The following FMN1 variants were observed in gnomAD, a reference collection of about 807,000 sequenced individuals.
The protein encoded by FMN1 is formin-1.
FMN1 carries 110 observed loss-of-function variants against 132.4 expected under a neutral mutation model. That is an observed-to-expected ratio of 0.83 (90% CI 0.71 to 0.97). FMN1 has a LOEUF of 0.97. FMN1 is among the 50% of genes least tolerant of loss of function. FMN1 has a pLI of 0.00. For synonymous variants in FMN1, 722 were observed against 651.7 expected (o/e 1.11, Z -1.64); for missense variants, 1,792 against 1,705.3 (o/e 1.05, Z -0.90).
chr15:32,866,236 AGAAAAAAG>A (rs1567294644), intron 16 of FMN1, among the ~76,000 whole-genome samples: 2 of 141,956 alleles, frequency 1.4e-5, no homozygotes, highest in Non-Finnish European at 3.0e-5. Flanking sequence ...ATAAAAAAAA[AGAAAAAAG>A]AAAAAAAATT....
Position 32,774,403 on chromosome 15 carries a change from A to G in FMN1, c.4216-49T>C, listed in dbSNP as rs988921717. The stretch of plus-strand genomic sequence containing the variant: ...GTATCATTTTCTTTCATCTTTCTCA[A>G]GTTTTGATACATTTCTCAAATTTTG... On this transcript the variant is annotated intron_variant, in intron 20 of 20. Coordinates refer to ENST00000616417, the MANE Select transcript of FMN1 (RefSeq NM_001277313.2). The G allele has an allele frequency of 4.0e-6, 6 of 1,482,312 alleles. No homozygotes were observed. The African/African-American group carries it at 7.0e-5, about 17-fold the overall frequency. 91.8% of individuals were successfully genotyped at this position (1,482,312 alleles called of 1,614,324 possible).
At chr15:33,085,206 C>A (rs745376200) in intron 5 of FMN1, among the ~76,000 whole-genome samples, 12 of 152,052 alleles carry the variant, frequency 7.9e-5, no homozygotes, top group Non-Finnish European at 1.5e-4. Flanking sequence ...CACCCATCAC[C>A]CAAGCAGTAT....
intron 8 of FMN1, among the ~76,000 whole-genome samples, 179 bp from the exon 9 acceptor site, chr15:32,964,436 T>C (rs1421513224): frequency 2.0e-5 from 3 of 152,200 alleles, no homozygotes; most frequent in Non-Finnish European, 2.9e-5. Flanking sequence ...AAATATACTA[T>C]AGAACATTAA....
At chr15:32,911,220 T>C (rs1173065069) in intron 10 of FMN1, among the ~76,000 whole-genome samples, 1 of 152,214 alleles carries the variant, frequency 6.6e-6, no homozygotes, top group Non-Finnish European at 1.5e-5. Flanking sequence ...TACCTTCCCA[T>C]AGATACTGGG....
intron 6 of FMN1, among the ~76,000 whole-genome samples, chr15:33,017,412 G>A (rs1250974033): frequency 1.0e-5 from 1 of 99,872 alleles, no homozygotes; most frequent in Non-Finnish European, 2.3e-5. Context: ...CGCAGTAGAC[G>A]GTGAGAGGGA....
intron 9 of FMN1, among the ~76,000 whole-genome samples, chr15:32,933,393 A>AT (rs1373444022): frequency 3.3e-5 from 5 of 152,308 alleles, no homozygotes; most frequent in African/African-American, 1.2e-4. Context: ...TTCTGACATA[A>AT]CGTGTGACTT....
At chr15:32,962,105 T>TTTA (rs10645453) in intron 9 of FMN1, among the ~76,000 whole-genome samples, 18,679 of 150,794 alleles carry the variant, frequency 0.12, 1,654 homozygotes, top group African/African-American at 0.25. Context: ...AGGGCAAGGA[T>TTTA]TTATTATTAT....
Position 33,129,787 on chromosome 15 carries a change from ATTTT to A in FMN1, c.1867+23257_1867+23260del, listed in dbSNP as rs61564380. Among the ~76,000 whole-genome samples the A allele has an allele frequency of 6.4e-3, 785 of 121,720 alleles. 1 individual carries two copies. The highest frequency in any genetic ancestry group is 0.036 in the Middle Eastern group (8 of 220). 79.9% of individuals were successfully genotyped at this position (121,720 alleles called of 152,430 possible). ...CTGACCAGAAAAGAGTTGACTAGCA[ATTTT>A]TTTTTTTTTTTTTTTTTTTGAGACA... On this transcript the variant is annotated intron_variant, in intron 4 of 20. Coordinates refer to ENST00000616417, the MANE Select transcript of FMN1 (RefSeq NM_001277313.2).
At chr15:33,066,384 G>C (rs903128471) in intron 5 of FMN1, 3 of 818,078 alleles carry the variant, frequency 3.7e-6, no homozygotes, top group South Asian at 2.0e-5. Flanking sequence ...AATATAATTT[G>C]ACTATAATCC....
chr15:32,799,346 C>T (rs1374740409), intron 18 of FMN1, among the ~76,000 whole-genome samples: 1 of 152,060 alleles, frequency 6.6e-6, no homozygotes, highest in Non-Finnish European at 1.5e-5. Flanking sequence ...GCGGTCAGTT[C>T]GATAGCTCAT....
Position 32,949,978 on chromosome 15 carries a change from T to TATTAAAA in FMN1, c.3138+14128_3138+14129insTTTTAAT, listed in dbSNP as rs1275873476. Among the ~76,000 whole-genome samples the TATTAAAA allele has an allele frequency of 1.4e-4, 5 of 36,200 alleles. 2 individuals are homozygous for TATTAAAA. The highest frequency in any genetic ancestry group is 8.0e-4 in the African/African-American group (5 of 6,244). 23.7% of individuals were successfully genotyped at this position (36,200 alleles called of 152,430 possible). On this transcript the variant is annotated intron_variant, in intron 9 of 20. Coordinates refer to ENST00000616417, the MANE Select transcript of FMN1 (RefSeq NM_001277313.2). ...ATATATATATATACACACATATATA[T>TATTAAAA]ACACACACATATATATACACATACA... is the stretch of plus-strand genomic sequence containing the variant.
At chr15:33,019,031 A>C (rs2035257752) in intron 6 of FMN1, among the ~76,000 whole-genome samples, 1 of 152,190 alleles carries the variant, frequency 6.6e-6, no homozygotes, top group Non-Finnish European at 1.5e-5. Context: ...CACCATGCGG[A>C]AGAGGACCTG....
Position 33,153,637 on chromosome 15 carries a change from C to T in FMN1, c.1278G>A (p.Glu426=). The change falls in exon 4 of 21, where the codon GAG becomes GAA. Residue 426 remains glutamate, a synonymous_variant. Coordinates refer to ENST00000616417, the MANE Select transcript of FMN1 (RefSeq NM_001277313.2). The part of the protein sequence containing the change: ...AVNKVPLKVI[E]SEKLDEAPEG... Reference sequence around the variant, plus strand: ...CAGGGGCTTCATCTAACTTCTCACTCTCTATCACCTTCAGGGGGACCTTGT... The same window carrying T: ...CAGGGGCTTCATCTAACTTCTCACTTTCTATCACCTTCAGGGGGACCTTGT... The T allele has an allele frequency of 1.3e-6, 2 of 1,536,294 alleles. No homozygotes were observed. The highest frequency in any genetic ancestry group is 1.4e-5 in the African/African-American group (1 of 73,172).
At chr15:32,850,697 C>T (rs1178394853) in intron 17 of FMN1, among the ~76,000 whole-genome samples, 1 of 152,192 alleles carries the variant, frequency 6.6e-6, no homozygotes, top group African/African-American at 2.4e-5. Flanking sequence ...TCCCAGCTGT[C>T]ATGGAATACC....
At chr15:33,094,718 CTT>C (rs879760448) in intron 4 of FMN1, among the ~76,000 whole-genome samples, 2 of 152,154 alleles carry the variant, frequency 1.3e-5, no homozygotes, top group Admixed American at 1.3e-4. Context: ...ATAAATATCT[CTT>C]TGATTATTTT....
chr15:33,042,778 C>CTTTT (rs5811727), intron 6 of FMN1, among the ~76,000 whole-genome samples: 2,626 of 149,696 alleles, frequency 0.018, 72 homozygotes, highest in African/African-American at 0.06. Context: ...AACCCCCCAA[C>CTTTT]TTTTTTTTTT....
chr15:32,825,820 G>C (rs940644546), intron 17 of FMN1, among the ~76,000 whole-genome samples: 2 of 152,086 alleles, frequency 1.3e-5, no homozygotes, highest in Non-Finnish European at 2.9e-5. Context: ...CTTTAAGCCG[G>C]GAGACCGTCT....
At chr15:33,111,541 A>G (rs1048157549) in intron 4 of FMN1, among the ~76,000 whole-genome samples, 2 of 152,220 alleles carry the variant, frequency 1.3e-5, no homozygotes, top group Admixed American at 6.5e-5. Flanking sequence ...TGTTCGTAGC[A>G]TTACGCATAA....
At chr15:32,916,858 C>T (rs377188434) in intron 10 of FMN1, among the ~76,000 whole-genome samples, 25 of 152,142 alleles carry the variant, frequency 1.6e-4, no homozygotes, top group African/African-American at 5.5e-4. Context: ...CAGAACTCGA[C>T]AGAAATTCAA....
Sources: gnomAD v4.1 joint callset for allele counts (sites outside exome capture counted in the v4.1 genomes callset) on GRCh38, gnomAD v4.1.1 for gene constraint, MANE v1.5 for transcripts, NCBI Gene and HGNC (gene_info 2026-07-23, HGNC 2026-07-21) for gene names.